The following ADGRL4 variants were observed in gnomAD, a reference collection of about 807,000 sequenced individuals.
The protein encoded by ADGRL4 is adhesion G protein-coupled receptor L4.
ADGRL4 carries 90 observed loss-of-function variants against 74.8 expected under a neutral mutation model. The observed-to-expected ratio is 1.20, with a 90% confidence interval of 1.02 to 1.43. The LOEUF is 1.43. Among genes scored for constraint, ADGRL4 ranks in the 40% most tolerant of loss-of-function variants. ADGRL4 has a pLI of 0.00. For synonymous variants in ADGRL4, 311 were observed against 279.2 expected, an observed-to-expected ratio of 1.11 and a Z score of -1.14; for missense variants, 881 against 814.3, an observed-to-expected ratio of 1.08 and a Z score of -1.00.
intron 12 of ADGRL4, among the ~76,000 whole-genome samples, chr1:78,916,619 C>G (rs1022088624): frequency 6.6e-6 from 1 of 151,896 alleles, no homozygotes; most frequent in Non-Finnish European, 1.5e-5. Flanking sequence ...ATTTCACCCA[C>G]ACCATTGCAA....
chr1:78,941,657 T>C (rs1649484609), intron 3 of ADGRL4, among the ~76,000 whole-genome samples: 1 of 152,050 alleles, frequency 6.6e-6, no homozygotes, highest in East Asian at 1.9e-4. Context: ...TCAATTTCCA[T>C]CCTCCTTCTT....
chr1:78,989,095 C>T (rs1252915210), intron 2 of ADGRL4, among the ~76,000 whole-genome samples: 2 of 151,664 alleles, frequency 1.3e-5, no homozygotes, highest in African/African-American at 4.8e-5. Flanking sequence ...ATAATATAGA[C>T]ACTTATTCAA....
At chr1:78,998,280 CTTGATGGAGA>C (rs1234349073) in intron 2 of ADGRL4, among the ~76,000 whole-genome samples, 4 of 138,214 alleles carry the variant, frequency 2.9e-5, no homozygotes, top group Non-Finnish European at 6.2e-5. Context: ...ATTCACTTAT[CTTGATGGAGA>C]TTGATGAACA....
chr1:78,964,680 T>C (rs1252481083), intron 2 of ADGRL4, among the ~76,000 whole-genome samples: 1 of 152,148 alleles, frequency 6.6e-6, no homozygotes, highest in African/African-American at 2.4e-5. Context: ...TAATTGCAAA[T>C]TGGCATACCA....
At chr1:78,907,488 T>C (rs1374379190) in intron 12 of ADGRL4, among the ~76,000 whole-genome samples, 1 of 151,996 alleles carries the variant, frequency 6.6e-6, no homozygotes. Context: ...CAGTACTCCT[T>C]TGAGAAGACA....
intron 7 of ADGRL4, among the ~76,000 whole-genome samples, chr1:78,935,692 A>G (rs1255394580): frequency 2.6e-5 from 4 of 152,112 alleles, no homozygotes; most frequent in Non-Finnish European, 5.9e-5. Flanking sequence ...GTAAAATCAG[A>G]GCTCTTTTGT....
intron 2 of ADGRL4, among the ~76,000 whole-genome samples, chr1:78,976,443 A>C (rs1427713604): frequency 6.6e-6 from 1 of 151,880 alleles, no homozygotes; most frequent in Non-Finnish European, 1.5e-5. Context: ...AAACAAAATA[A>C]AATGAAAAAA....
At chr1:78,996,262 A>G (rs1448114407) in intron 2 of ADGRL4, among the ~76,000 whole-genome samples, 1 of 152,170 alleles carries the variant, frequency 6.6e-6, no homozygotes, top group Non-Finnish European at 1.5e-5. Context: ...TCCTTTTGAA[A>G]AGTACTTTCT....
intron 2 of ADGRL4, among the ~76,000 whole-genome samples, chr1:79,000,121 A>T (rs1039337082): frequency 2.6e-4 from 39 of 152,066 alleles, no homozygotes; most frequent in African/African-American, 8.2e-4. Flanking sequence ...TAGTTACTGG[A>T]TATTACTTTT....
At chr1:78,992,712 TA>T (rs1343548477) in intron 2 of ADGRL4, among the ~76,000 whole-genome samples, 3 of 152,124 alleles carry the variant, frequency 2.0e-5, no homozygotes, top group African/African-American at 4.8e-5. Flanking sequence ...CTCAGTGTTT[TA>T]ATATGCAGAA....
intron 2 of ADGRL4, among the ~76,000 whole-genome samples, chr1:78,979,821 C>A (rs569544653): frequency 1.3e-5 from 2 of 152,034 alleles, no homozygotes; most frequent in East Asian, 3.9e-4. Context: ...ATATCATGCT[C>A]TCACTTATAA....
chr1:78,914,324 T>G (rs1648824307), intron 12 of ADGRL4, among the ~76,000 whole-genome samples: 2 of 151,928 alleles, frequency 1.3e-5, no homozygotes, highest in Admixed American at 1.3e-4. Context: ...GTTGTCTTTT[T>G]TCCTCTCATT....
chr1:78,996,470 C>T (rs976004257), intron 2 of ADGRL4, among the ~76,000 whole-genome samples: 1 of 152,190 alleles, frequency 6.6e-6, no homozygotes, highest in Non-Finnish European at 1.5e-5. Context: ...ATTCCTTAAA[C>T]ATAAACTGAG....
chr1:78,908,514 T>G (rs1648691787), intron 12 of ADGRL4, among the ~76,000 whole-genome samples: 2 of 152,034 alleles, frequency 1.3e-5, no homozygotes, highest in Admixed American at 1.3e-4. Context: ...AAACATCATT[T>G]TTTATGAAAT....
At chr1:78,919,597 C>G (rs917826149) in intron 10 of ADGRL4, among the ~76,000 whole-genome samples, 3 of 151,872 alleles carry the variant, frequency 2.0e-5, no homozygotes, top group African/African-American at 7.2e-5. Context: ...GCTCTCCAAG[C>G]CTCTCTCTTC....
intron 12 of ADGRL4, among the ~76,000 whole-genome samples, chr1:78,907,185 G>A (rs1483534865): frequency 6.6e-6 from 1 of 151,944 alleles, no homozygotes; most frequent in African/African-American, 2.4e-5. Context: ...ATATACATAG[G>A]TAGATATAGT....
chr1:78,900,917 ATTTAT>A (rs923886123), intron 12 of ADGRL4, among the ~76,000 whole-genome samples: 15 of 152,058 alleles, frequency 9.9e-5, no homozygotes, highest in African/African-American at 2.9e-4. Context: ...TTAAATTAGT[ATTTAT>A]TTTAAACTGG....
intron 8 of ADGRL4, 62 bp downstream of exon 8, chr1:78,926,822 CAA>C (rs1308170338): frequency 6.7e-6 from 8 of 1,185,582 alleles, no homozygotes; most frequent in Non-Finnish European, 8.5e-6. Context: ...AGTGACACAA[CAA>C]AGAGTCCAGT....
chr1:78,992,317 C>A, intron 2 of ADGRL4, among the ~76,000 whole-genome samples: 1 of 151,936 alleles, frequency 6.6e-6, no homozygotes, highest in East Asian at 1.9e-4. Context: ...ATCCGGATTT[C>A]TTGGTAATAT....
Sources: allele counts gnomAD v4.1 joint callset (sites outside exome capture counted in the v4.1 genomes callset), GRCh38; gene constraint gnomAD v4.1.1; transcripts MANE v1.5; gene names NCBI Gene and HGNC (gene_info 2026-07-23, HGNC 2026-07-21).